The following RASSF8 variants were observed in gnomAD, a reference collection of about 807,000 sequenced individuals.
The protein encoded by RASSF8 is Ras association domain family member 8.
Under a neutral mutation model 48.5 loss-of-function variants are expected in RASSF8, and 22 were observed. That is an observed-to-expected ratio of 0.45 (90% CI 0.32 to 0.65). The LOEUF (loss-of-function observed/expected upper bound fraction) is 0.65, where lower values mean the gene tolerates loss of function less well. Among genes scored for constraint, RASSF8 ranks in the 30% least tolerant of loss-of-function variants. RASSF8 has a pLI of 0.03. For synonymous variants in RASSF8, 127 were observed against 171.5 expected (o/e 0.74, Z 2.03); for missense variants, 418 against 489.2 (o/e 0.85, Z 1.37).
At position 26,019,731 on chromosome 12, in the gene RASSF8, T is replaced by G. The variant is rs12815918; in HGVS notation, c.-109+24601T>G. ...ATGTTATTTTTAAAAATTATTACTA[T>G]TTTTTATTATGTCATATTGTAGCCC... is the stretch of plus-strand genomic sequence containing the variant. On this transcript the variant is annotated intron_variant, in intron 2 of 5. Coordinates refer to ENST00000689635, the MANE Select transcript of RASSF8 (RefSeq NM_001394098.1). Among the ~76,000 whole-genome samples the G allele has an allele frequency of 2.8e-3, 423 of 152,294 alleles. 3 individuals are homozygous for G. Among genetic ancestry groups the G allele is most frequent in the Admixed American group, 7.5e-3 (114 of 15,296 alleles).
At chr12:26,029,814 G>T (rs538121205) in intron 2 of RASSF8, among the ~76,000 whole-genome samples, 1 of 152,178 alleles carries the variant, frequency 6.6e-6, no homozygotes, top group Non-Finnish European at 1.5e-5. Context: ...TATGACGTCC[G>T]AGTTATACTC....
At chr12:25,983,550 G>A (rs1941794364) in intron 1 of RASSF8, among the ~76,000 whole-genome samples, 1 of 152,000 alleles carries the variant, frequency 6.6e-6, no homozygotes, top group South Asian at 2.1e-4. Context: ...AAAAATGTTG[G>A]GACCAACCCA....
intron 1 of RASSF8, among the ~76,000 whole-genome samples, chr12:25,989,675 G>T (rs1941969178): frequency 6.6e-6 from 1 of 152,142 alleles, no homozygotes; most frequent in African/African-American, 2.4e-5. Context: ...CTTCTCCTCT[G>T]CCACTCTTCT....
At chr12:26,066,243 T>G (rs1394716386) in intron 4 of RASSF8, among the ~76,000 whole-genome samples, 1 of 152,158 alleles carries the variant, frequency 6.6e-6, no homozygotes, top group Non-Finnish European at 1.5e-5. Flanking sequence ...CTGTGCTGGT[T>G]TAGAGCTTAC....
downstream of RASSF8, among the ~76,000 whole-genome samples, chr12:26,075,172 T>C (rs1230709330): frequency 6.7e-6 from 1 of 150,260 alleles, no homozygotes; most frequent in Non-Finnish European, 1.5e-5. Flanking sequence ...GTTATAGATA[T>C]TCTAAGTAGA....
chr12:26,016,203 T>G (rs7132761), intron 2 of RASSF8, among the ~76,000 whole-genome samples: 17,678 of 126,844 alleles, frequency 0.14, 1,097 homozygotes, highest in East Asian at 0.17. Context: ...GGGCTGTTTT[T>G]GGGTTTTTTT....
intron 2 of RASSF8, among the ~76,000 whole-genome samples, chr12:26,014,500 A>G (rs16929895): frequency 0.13 from 19,265 of 152,192 alleles, 1,617 homozygotes; most frequent in Admixed American, 0.2. Context: ...GTATGTCTTG[A>G]TTGGTTTGGA....
intron 2 of RASSF8, among the ~76,000 whole-genome samples, chr12:26,016,336 T>A (rs16929904): frequency 1.8e-4 from 28 of 151,978 alleles, no homozygotes; most frequent in Non-Finnish European, 4.0e-4. Flanking sequence ...TTGGTTATAG[T>A]GGTCCTTTAA....
chr12:26,000,665 C>T (rs866870112), intron 2 of RASSF8, among the ~76,000 whole-genome samples: 1 of 152,144 alleles, frequency 6.6e-6, no homozygotes, highest in South Asian at 2.1e-4. Flanking sequence ...CCATATGATA[C>T]CCCATGGCTC....
rs143670037 is a variant in RASSF8 at position 26,015,946 on chromosome 12, A to G, written c.-109+20816A>G. 4.5e-4 allele frequency among the ~76,000 whole-genome samples: 69 copies of G among 151,996 alleles called. No homozygotes were observed. In the Middle Eastern group the frequency reaches 0.01, roughly 22 times the overall value. On this transcript the variant is annotated intron_variant, in intron 2 of 5. Transcript: ENST00000689635. ...GATCACAGACCCCACTAACTAACTA[A>G]TGGTTACTTTCAAGTGCTTGTGGCC...
At chr12:25,991,117 G>A (rs1230527040) in intron 1 of RASSF8, among the ~76,000 whole-genome samples, 1 of 151,840 alleles carries the variant, frequency 6.6e-6, no homozygotes, top group Non-Finnish European at 1.5e-5. Flanking sequence ...TGGAGGAAGG[G>A]AGCACACCCA....
intron 2 of RASSF8, among the ~76,000 whole-genome samples, chr12:26,047,782 G>T (rs1212314220): frequency 6.6e-6 from 1 of 152,222 alleles, no homozygotes; most frequent in Non-Finnish European, 1.5e-5. Flanking sequence ...GCCATCAGGG[G>T]TCAGATTGTA....
intron 2 of RASSF8, among the ~76,000 whole-genome samples, chr12:26,015,082 G>A (rs912657593): frequency 2.6e-5 from 4 of 151,750 alleles, no homozygotes; most frequent in East Asian, 3.9e-4. Context: ...CATTGTGTGC[G>A]CCTGTAGTCC....
downstream of RASSF8, among the ~76,000 whole-genome samples, chr12:26,077,326 A>C (rs1944081329): frequency 6.6e-6 from 1 of 151,778 alleles, no homozygotes; most frequent in Non-Finnish European, 1.5e-5. Context: ...TTAGTCATGA[A>C]CTCCTTGCCC....
chr12:25,962,222 C>T (rs1427066560), intron 1 of RASSF8, among the ~76,000 whole-genome samples: 1 of 152,192 alleles, frequency 6.6e-6, no homozygotes, highest in Non-Finnish European at 1.5e-5. Flanking sequence ...GGCCAGTTCT[C>T]CAGCAGACTA....
At chr12:26,035,487 TTA>T (rs1943123149) in intron 2 of RASSF8, among the ~76,000 whole-genome samples, 1 of 120,192 alleles carries the variant, frequency 8.3e-6, no homozygotes, top group Non-Finnish European at 1.8e-5. Flanking sequence ...AATTATATAA[TTA>T]TATGAAATTA....
intron 3 of RASSF8, among the ~76,000 whole-genome samples, chr12:26,059,993 G>A (rs1565643056): frequency 6.6e-6 from 1 of 152,112 alleles, no homozygotes; most frequent in African/African-American, 2.4e-5. Flanking sequence ...CGCCTCCCAG[G>A]TTCACACCAT....
At chr12:25,964,011 T>C (rs1437821642) in intron 1 of RASSF8, among the ~76,000 whole-genome samples, 2 of 152,184 alleles carry the variant, frequency 1.3e-5, no homozygotes, top group African/African-American at 4.8e-5. Context: ...ATTTTAAAAA[T>C]GTTGAGAGCA....
chr12:26,035,507 A>G (rs1349243209), intron 2 of RASSF8, among the ~76,000 whole-genome samples: 1 of 139,532 alleles, frequency 7.2e-6, no homozygotes, highest in Non-Finnish European at 1.6e-5. Context: ...TTATATAATT[A>G]TATAATATAA....
Sources: gnomAD v4.1 joint callset for allele counts (sites outside exome capture counted in the v4.1 genomes callset) on GRCh38, gnomAD v4.1.1 for gene constraint, MANE v1.5 for transcripts, NCBI Gene and HGNC (gene_info 2026-07-23, HGNC 2026-07-21) for gene names.